The following DYRK1A variants were observed in gnomAD, a reference collection of about 807,000 sequenced individuals.
DYRK1A encodes dual specificity tyrosine phosphorylation regulated kinase 1A.
In DYRK1A, 9 loss-of-function variants were observed where a neutral mutation model predicts 79.7. The ratio of observed to expected loss-of-function variants is 0.11; its 90% CI spans 0.07 to 0.20. DYRK1A has a LOEUF of 0.20. Ranked by LOEUF, DYRK1A falls within the 10% of genes least tolerant of loss-of-function variation. DYRK1A has a pLI of 1.00. For missense variants in DYRK1A, 622 were observed against 956.0 expected (o/e 0.65, Z 4.61); for synonymous variants, 349 against 329.7 (o/e 1.06, Z -0.63).
intron 1 of DYRK1A, among the ~76,000 whole-genome samples, chr21:37,377,437 A>G (rs762591845): frequency 4.6e-5 from 7 of 151,482 alleles, no homozygotes; most frequent in Non-Finnish European, 7.4e-5. Flanking sequence ...TACTTGACCT[A>G]TGTTAGAAAT....
chr21:37,444,414 AT>A lies in DYRK1A; in HGVS notation c.10+24031del. On this transcript the variant is annotated intron_variant, in intron 2 of 11. Coordinates refer to ENST00000647188, the MANE Select transcript of DYRK1A (RefSeq NM_001347721.2). ...TGAGGAATTCATTTTGGAGATTATT[AT>A]AGTAAGTCAGGCACGCATTAATTTA... is the stretch of plus-strand genomic sequence containing the variant. Among the ~76,000 whole-genome samples the A allele has an allele frequency of 1.3e-5, 2 of 152,210 alleles. 1 individual carries two copies. Among genetic ancestry groups the A allele is most frequent in the Non-Finnish European group, 2.9e-5 (2 of 68,040 alleles).
intron 2 of DYRK1A, chr21:37,430,198 C>T: frequency 2.8e-6 from 2 of 725,478 alleles, no homozygotes; most frequent in Non-Finnish European, 3.4e-6. Context: ...CAGTTACTTC[C>T]AGCTTGTATA....
At chr21:37,430,211 G>A (rs1243733278) in intron 2 of DYRK1A, 4 of 815,998 alleles carry the variant, frequency 4.9e-6, no homozygotes, top group Non-Finnish European at 5.9e-6. Flanking sequence ...CTTGTATATA[G>A]GTATGTTCAC....
intron 2 of DYRK1A, among the ~76,000 whole-genome samples, chr21:37,423,855 AT>A (rs1315999868): frequency 1.3e-5 from 2 of 152,150 alleles, no homozygotes; most frequent in Non-Finnish European, 2.9e-5. Context: ...CATAATTCTT[AT>A]GCATACACTA....
intron 2 of DYRK1A, among the ~76,000 whole-genome samples, chr21:37,426,550 A>G (rs11910846): frequency 0.053 from 8,009 of 152,158 alleles, 747 homozygotes; most frequent in African/African-American, 0.18. Context: ...GAAGTAAAAG[A>G]TAATTTAAAA....
At chr21:37,473,887 A>G (rs1475292113) in intron 3 of DYRK1A, among the ~76,000 whole-genome samples, 8 of 152,220 alleles carry the variant, frequency 5.3e-5, no homozygotes, top group Admixed American at 4.6e-4. Flanking sequence ...GAATTGGGAC[A>G]GTTGTTCAGA....
intron 2 of DYRK1A, among the ~76,000 whole-genome samples, chr21:37,442,113 CTCTTTT>C (rs2051125862): frequency 6.6e-6 from 1 of 151,854 alleles, no homozygotes; most frequent in South Asian, 2.1e-4. Flanking sequence ...TATAATATGT[CTCTTTT>C]TCTGGCCGTT....
intron 9 of DYRK1A, among the ~76,000 whole-genome samples, chr21:37,498,805 C>T (rs973984127): frequency 1.4e-4 from 21 of 152,264 alleles, no homozygotes; most frequent in East Asian, 1.9e-4. Flanking sequence ...GTTCCAGTTG[C>T]GTGACATCCT....
At chr21:37,373,424 T>G (rs1326275142) in intron 1 of DYRK1A, among the ~76,000 whole-genome samples, 1 of 152,228 alleles carries the variant, frequency 6.6e-6, no homozygotes, top group Non-Finnish European at 1.5e-5. Flanking sequence ...TTAAGCTTTC[T>G]TATATGTACC....
chr21:37,410,089 G>A (rs1319161606), intron 1 of DYRK1A, among the ~76,000 whole-genome samples: 1 of 152,180 alleles, frequency 6.6e-6, no homozygotes, highest in African/African-American at 2.4e-5. Flanking sequence ...AAGGCTATAG[G>A]AACAACCACA....
intron 5 of DYRK1A, 28 bp from the exon 6 acceptor site, chr21:37,486,439 A>G (rs2052867929): frequency 4.3e-6 from 6 of 1,410,468 alleles, no homozygotes; most frequent in Non-Finnish European, 5.6e-6. Flanking sequence ...AATTAATGAA[A>G]TAGAGAATTA....
Position 37,512,106 on chromosome 21 carries a change from G to A in DYRK1A, c.1840G>A (p.Ala614Thr). ...CCATCACCACCACCATGGACAACAA[G>A]CCTTGGGTAACCGGACCAGGCCAAG... is the stretch of plus-strand genomic sequence containing the variant. ...HHHHHHHGQQ[A>T]LGNRTRPRVY... Residue 614 changes from alanine to threonine, a missense_variant, in exon 12 of 12, where the codon GCC (alanine) becomes ACC (threonine). Coordinates refer to ENST00000647188, the MANE Select transcript of DYRK1A (RefSeq NM_001347721.2). 6.2e-7 allele frequency: 1 copy of A among 1,614,070 alleles called. No individual in the cohort carries two copies.
intron 9 of DYRK1A, among the ~76,000 whole-genome samples, chr21:37,500,840 C>G (rs569989749): frequency 9.2e-5 from 14 of 151,370 alleles, no homozygotes; most frequent in African/African-American, 3.4e-4. Flanking sequence ...GCCATTTGTA[C>G]TTTCTGTTTT....
intron 2 of DYRK1A, among the ~76,000 whole-genome samples, chr21:37,435,268 A>G (rs1048935160): frequency 6.6e-6 from 1 of 152,212 alleles, no homozygotes; most frequent in African/African-American, 2.4e-5. Flanking sequence ...ATTGGCTAGC[A>G]TCCTGACTAA....
At position 37,520,563 on chromosome 21, in the gene DYRK1A, GTC is replaced by G. The variant is rs370268280; in HGVS notation, c.*8034_*8035del. ...AGGACAAAAATGTCTTAGGATAAAA[GTC>G]TGTTTGTTTGCATTAGACTATACAT... On this transcript the variant is annotated 3_prime_UTR_variant, in exon 12 of 12. Coordinates refer to ENST00000647188, the MANE Select transcript of DYRK1A (RefSeq NM_001347721.2). 1 of 152,158 alleles carries G rather than the reference GTC, an allele frequency of 6.6e-6. No homozygotes were observed. Among genetic ancestry groups the G allele is most frequent in the African/African-American group, 2.4e-5 (1 of 41,422 alleles). The allele number at this position is 152,158 out of a possible 1,614,324, so 9.4% of individuals were successfully genotyped here.
At chr21:37,437,240 T>TA (rs1181646298) in intron 2 of DYRK1A, among the ~76,000 whole-genome samples, 1 of 152,192 alleles carries the variant, frequency 6.6e-6, no homozygotes, top group Non-Finnish European at 1.5e-5. Context: ...ATGTGTTTTT[T>TA]AAAAACACAT....
At chr21:37,437,143 G>T (rs2050948339) in intron 2 of DYRK1A, among the ~76,000 whole-genome samples, 1 of 152,146 alleles carries the variant, frequency 6.6e-6, no homozygotes, top group African/African-American at 2.4e-5. Flanking sequence ...ATGTTGTTGA[G>T]GGCCCTAAGT....
intron 1 of DYRK1A, among the ~76,000 whole-genome samples, chr21:37,406,890 G>T (rs1383174334): frequency 6.9e-6 from 1 of 145,158 alleles, no homozygotes. Flanking sequence ...CCTAATTACC[G>T]TTATTTAGAA....
rs1037375029 is a variant in DYRK1A, at chr21:37,516,871, C to A, written c.*4340C>A. ...TTAAATCTTAGGAGACAAAGTGTTT[C>A]TCCAACTGGACGCTGATTTGAAACA... On this transcript the variant is annotated 3_prime_UTR_variant, in exon 12 of 12. Coordinates refer to ENST00000647188, the MANE Select transcript of DYRK1A (RefSeq NM_001347721.2). 1.3e-5 allele frequency: 2 copies of A among 152,200 alleles called. No individual in the cohort carries two copies. Among genetic ancestry groups the A allele is most frequent in the Admixed American group, 1.3e-4 (2 of 15,286 alleles). 9.4% of individuals were successfully genotyped at this position (152,200 alleles called of 1,614,324 possible). A position where few individuals can be genotyped will look rare whatever the true frequency, so the allele number is the denominator to read the frequency against.
Sources: allele counts gnomAD v4.1 joint callset (sites outside exome capture counted in the v4.1 genomes callset), GRCh38; gene constraint gnomAD v4.1.1; transcripts MANE v1.5; gene names NCBI Gene and HGNC (gene_info 2026-07-23, HGNC 2026-07-21).